Variants in BABAM2 observed in about 807,000 individuals in gnomAD.
The protein encoded by BABAM2 is BRISC and BRCA1-A complex member 2.
A neutral mutation model predicts 54.7 loss-of-function variants in BABAM2; 31 were observed. The ratio of observed to expected loss-of-function variants is 0.57; its 90% confidence interval spans 0.43 to 0.77. BABAM2 has a LOEUF of 0.77. Ranked by LOEUF, BABAM2 falls within the 30% of genes least tolerant of loss-of-function variation. BABAM2 has a pLI of 0.00. For synonymous variants in BABAM2, 167 were observed against 162.9 expected, an observed-to-expected ratio of 1.03 and a Z score of -0.19; for missense variants, 364 against 455.8, an observed-to-expected ratio of 0.80 and a Z score of 1.83.
rs1672134084 is a variant in BABAM2 at position 27,982,989 on chromosome 2, A to C, written c.206-5004A>C. 2.0e-5 allele frequency among the ~76,000 whole-genome samples: 3 copies of C among 151,956 alleles called. No homozygotes were observed. In the South Asian group the frequency reaches 6.2e-4, roughly 32 times the overall value. On this transcript the variant is annotated intron_variant, in intron 3 of 11. Coordinates refer to ENST00000379624, the MANE Select transcript of BABAM2 (RefSeq NM_199191.3). ...TTGCTGTGAACAGATGTGTGCAAAT[A>C]TCTCTGATAATCTCCTTTTAGCTAC...
intron 11 of BABAM2, among the ~76,000 whole-genome samples, chr2:28,335,273 G>A (rs1050441887): frequency 8.8e-5 from 13 of 148,510 alleles, no homozygotes; most frequent in South Asian, 2.2e-4. Flanking sequence ...GGGTTCAAGC[G>A]ATTCTCCTGC....
chr2:28,164,914 T>C (rs1318881549), intron 7 of BABAM2, among the ~76,000 whole-genome samples: 1 of 152,226 alleles, frequency 6.6e-6, no homozygotes, highest in Non-Finnish European at 1.5e-5. Flanking sequence ...AATCATTTAT[T>C]AAGTACATTC....
chr2:28,319,981 G>T (rs1689891578), intron 11 of BABAM2, among the ~76,000 whole-genome samples: 1 of 152,132 alleles, frequency 6.6e-6, no homozygotes, highest in Non-Finnish European at 1.5e-5. Flanking sequence ...CCCACCCTCG[G>T]CAGGGAGTGT....
At chr2:28,120,958 A>G (rs569913422) in intron 6 of BABAM2, among the ~76,000 whole-genome samples, 1 of 152,238 alleles carries the variant, frequency 6.6e-6, no homozygotes, top group Admixed American at 6.5e-5. Flanking sequence ...CTAATGTATA[A>G]AGAGTGGCCC....
intron 6 of BABAM2, among the ~76,000 whole-genome samples, chr2:28,118,524 AG>A (rs1480556309): frequency 6.6e-6 from 1 of 152,118 alleles, no homozygotes; most frequent in East Asian, 1.9e-4. Flanking sequence ...CCTTCTTTTG[AG>A]AAGTGTCTGT....
intron 11 of BABAM2, among the ~76,000 whole-genome samples, chr2:28,303,158 G>T (rs142149659): frequency 6.6e-6 from 1 of 151,982 alleles, no homozygotes. Context: ...CACTATTCCT[G>T]CCCTTTTCAT....
chr2:27,892,972 T>C (rs1664988432), intron 1 of BABAM2, among the ~76,000 whole-genome samples: 1 of 152,234 alleles, frequency 6.6e-6, no homozygotes, highest in South Asian at 2.1e-4. Flanking sequence ...TTTTGAGCTA[T>C]CAAATTAGCA....
chr2:28,267,516 T>C (rs1418251802), intron 10 of BABAM2, among the ~76,000 whole-genome samples: 1 of 152,140 alleles, frequency 6.6e-6, no homozygotes. Context: ...CTAACACCTA[T>C]AACAAGCAAC....
At chr2:28,104,719 G>T (rs13430025) in intron 6 of BABAM2, among the ~76,000 whole-genome samples, 78,559 of 151,660 alleles carry the variant, frequency 0.52, 21,911 homozygotes, top group Middle Eastern at 0.66. Context: ...AAATCATGCT[G>T]CTATAAAGAC....
chr2:28,119,561 G>A (rs1668888381), intron 6 of BABAM2, among the ~76,000 whole-genome samples: 1 of 152,156 alleles, frequency 6.6e-6, no homozygotes, highest in African/African-American at 2.4e-5. Context: ...CAAAGAGCCA[G>A]GATTTTCCTC....
At chr2:27,925,549 A>G (rs1044080192) in intron 2 of BABAM2, among the ~76,000 whole-genome samples, 1 of 152,150 alleles carries the variant, frequency 6.6e-6, no homozygotes, top group Non-Finnish European at 1.5e-5. Context: ...GGTAAACACA[A>G]GACTCATCCA....
intron 11 of BABAM2, among the ~76,000 whole-genome samples, chr2:28,334,739 G>C (rs1045958299): frequency 6.6e-6 from 1 of 152,238 alleles, no homozygotes; most frequent in Admixed American, 6.5e-5. Flanking sequence ...ACGTCTGGGT[G>C]GCAGCCAACA....
intron 10 of BABAM2, among the ~76,000 whole-genome samples, chr2:28,245,683 A>T (rs1682852834): frequency 6.6e-6 from 1 of 152,226 alleles, no homozygotes; most frequent in African/African-American, 2.4e-5. Context: ...AAAGGAGCCA[A>T]CTTTCCCAGC....
chr2:28,237,433 C>T (rs1041699330), intron 8 of BABAM2, 132 bp downstream of exon 8: 1 of 715,118 alleles, frequency 1.4e-6, no homozygotes. Flanking sequence ...TGACACCTGC[C>T]CTTCCTACTG....
chr2:28,102,092 C>G (rs1022150765), intron 6 of BABAM2, among the ~76,000 whole-genome samples: 7 of 152,178 alleles, frequency 4.6e-5, no homozygotes, highest in Admixed American at 4.6e-4. Context: ...TTCGTCATCC[C>G]CTGCTGAAAG....
At position 27,917,688 on chromosome 2, in the gene BABAM2, A is replaced by G. The variant is rs571074443; in HGVS notation, c.129-12144A>G. On this transcript the variant is annotated intron_variant, in intron 2 of 11. Transcript: ENST00000379624. ...ATAAGAATTTTGAGGGGCCACTAAC[A>G]TTCAGTCTATAGCACACCCCAAATT... 9.2e-5 allele frequency among the ~76,000 whole-genome samples: 14 copies of G among 152,292 alleles called. No individual in the cohort carries two copies. The South Asian group carries it at 2.5e-3, about 27-fold the overall frequency.
chr2:27,969,813 G>A (rs565531068), intron 3 of BABAM2, among the ~76,000 whole-genome samples: 3 of 152,194 alleles, frequency 2.0e-5, no homozygotes, highest in Non-Finnish European at 4.4e-5. Flanking sequence ...GACCAGGGAT[G>A]CTGCTTAATA....
rs758746129 is a variant in BABAM2, at chr2:28,129,301, G to C, written c.601G>C (p.Ala201Pro). 1 of 1,613,946 alleles carries C rather than the reference G, an allele frequency of 6.2e-7. No individual in the cohort carries two copies. The highest frequency in any genetic ancestry group is 1.1e-5 in the South Asian group (1 of 91,058). Reference protein sequence around the residue: ...DVNEDPGEDVALLSVSFEDTE... With the variant: ...DVNEDPGEDVPLLSVSFEDTE... ...AAATGAAGACCCTGGAGAAGATGTGGCCCTCCTCTCTGTTAGTTTTGAGGA... is the reference window on the plus strand; with the variant it reads ...AAATGAAGACCCTGGAGAAGATGTGCCCCTCCTCTCTGTTAGTTTTGAGGA... The change falls in exon 7 of 12, where the codon GCC becomes CCC. Residue 201 changes from alanine to proline, a missense_variant. Coordinates refer to ENST00000379624, the MANE Select transcript of BABAM2 (RefSeq NM_199191.3).
chr2:28,335,168 T>C (rs2148343043), intron 11 of BABAM2, among the ~76,000 whole-genome samples: 1 of 139,480 alleles, frequency 7.2e-6, no homozygotes, highest in East Asian at 2.1e-4. Flanking sequence ...TTTTTTTTTT[T>C]TTTTTTTTTT....
Sources: allele counts gnomAD v4.1 joint callset (sites outside exome capture counted in the v4.1 genomes callset), GRCh38; gene constraint gnomAD v4.1.1; transcripts MANE v1.5; gene names NCBI Gene and HGNC (gene_info 2026-07-23, HGNC 2026-07-21).